RASSF8: variants seen among roughly 807,000 people sequenced by gnomAD.
RASSF8 encodes Ras association domain family member 8, also known as ras association domain-containing protein 8.
RASSF8 carries 22 observed loss-of-function variants against 48.5 expected under a neutral mutation model. That is an observed-to-expected ratio of 0.45 (90% CI 0.32 to 0.65). The LOEUF (loss-of-function observed/expected upper bound fraction) is 0.65. RASSF8 is among the 30% of genes least tolerant of loss of function. The probability of loss-of-function intolerance (pLI) is 0.03; values close to 1 mark genes in which losing one functional copy is unlikely to be tolerated. For missense variants in RASSF8, 418 were observed against 489.2 expected, an observed-to-expected ratio of 0.85 and a Z score of 1.37; for synonymous variants, 127 against 171.5, an observed-to-expected ratio of 0.74 and a Z score of 2.03.
chr12:26,048,894 C>T (rs1484422758), intron 2 of RASSF8, among the ~76,000 whole-genome samples: 1 of 152,126 alleles, frequency 6.6e-6, no homozygotes, highest in Admixed American at 6.5e-5. Flanking sequence ...GCTGGGATTA[C>T]AGGTGCCCAC....
At chr12:25,967,999 G>A (rs1404819343) in intron 1 of RASSF8, among the ~76,000 whole-genome samples, 3 of 152,142 alleles carry the variant, frequency 2.0e-5, no homozygotes, top group African/African-American at 4.8e-5. Flanking sequence ...ATTCAGTCTC[G>A]CCTTTCCTTG....
Position 25,976,186 on chromosome 12 carries a change from T to C in RASSF8, c.-203+17038T>C, listed in dbSNP as rs1034779566. Among the ~76,000 whole-genome samples the C allele has an allele frequency of 9.9e-5, 15 of 152,260 alleles. No homozygotes were observed. The East Asian group carries it at 2.7e-3, about 27-fold the overall frequency. The stretch of plus-strand genomic sequence containing the variant: ...TAAATTGAAAGGAAAACCCATCAGA[T>C]CGACTTCCTAGGACTAAATTGAAAG... On this transcript the variant is annotated intron_variant, in intron 1 of 5. Transcript: ENST00000689635.
downstream of RASSF8, among the ~76,000 whole-genome samples, chr12:26,074,165 G>C (rs1944049820): frequency 6.6e-6 from 1 of 152,120 alleles, no homozygotes; most frequent in Non-Finnish European, 1.5e-5. Context: ...AGGAACTACT[G>C]TTAACTCTTC....
intron 1 of RASSF8, among the ~76,000 whole-genome samples, chr12:25,986,587 C>A (rs1282145791): frequency 6.6e-6 from 1 of 152,138 alleles, no homozygotes; most frequent in Admixed American, 6.5e-5. Flanking sequence ...CTTTCAAGCC[C>A]CACAAGAGCA....
At chr12:25,980,910 G>A (rs765072036) in intron 1 of RASSF8, among the ~76,000 whole-genome samples, 14 of 152,088 alleles carry the variant, frequency 9.2e-5, no homozygotes, top group Non-Finnish European at 1.8e-4. Context: ...ATATTTTGGG[G>A]GATTGAGGGG....
downstream of RASSF8, among the ~76,000 whole-genome samples, chr12:26,073,248 C>T (rs1944034337): frequency 6.6e-6 from 1 of 152,200 alleles, no homozygotes; most frequent in Admixed American, 6.5e-5. Context: ...CTAAATCACA[C>T]AACCCCTAAG....
At chr12:25,977,284 C>T (rs1291034871) in intron 1 of RASSF8, among the ~76,000 whole-genome samples, 2 of 152,164 alleles carry the variant, frequency 1.3e-5, no homozygotes, top group East Asian at 1.9e-4. Context: ...GAGAAGTTTG[C>T]ATGGATTCAT....
chr12:26,000,649 C>T (rs550095274), intron 2 of RASSF8, among the ~76,000 whole-genome samples: 27 of 152,262 alleles, frequency 1.8e-4, no homozygotes, highest in African/African-American at 6.5e-4. Context: ...CTCCTACACA[C>T]CCAGGCCATA....
chr12:26,055,426 T>G lies in RASSF8; in HGVS notation c.83T>G (p.Ile28Arg). 1 of 1,613,958 alleles carries G rather than the reference T, an allele frequency of 6.2e-7. No individual in the cohort carries two copies. The highest frequency in any genetic ancestry group is 8.5e-7 in the Non-Finnish European group (1 of 1,179,806). ...TEVTTCQEVVIALAQAIGRTG... is the reference protein window; with the variant it reads ...TEVTTCQEVVRALAQAIGRTG... The stretch of plus-strand genomic sequence containing the variant: ...GTCACAACTTGCCAGGAGGTTGTCA[T>G]AGCCTTAGCTCAAGCAATAGGTGAG... The change falls in exon 3 of 6, where the codon ATA (isoleucine) becomes AGA (arginine). Residue 28 changes from isoleucine (I) to arginine (R), a missense_variant. Ile to Arg is a moderately conservative substitution (Grantham distance 97, BLOSUM62 -3). Transcript: ENST00000689635.
At chr12:25,969,797 G>A (rs1941442322) in intron 1 of RASSF8, among the ~76,000 whole-genome samples, 1 of 152,118 alleles carries the variant, frequency 6.6e-6, no homozygotes, top group Non-Finnish European at 1.5e-5. Flanking sequence ...GTTGCAGACT[G>A]GAGAGATGGG....
intron 1 of RASSF8, among the ~76,000 whole-genome samples, chr12:25,983,589 G>A (rs943911761): frequency 2.6e-5 from 4 of 152,072 alleles, no homozygotes; most frequent in African/African-American, 4.8e-5. Context: ...AATGGGTTAC[G>A]ACCATAGTTT....
At chr12:25,962,519 G>T (rs1941260589) in intron 1 of RASSF8, among the ~76,000 whole-genome samples, 1 of 152,052 alleles carries the variant, frequency 6.6e-6, no homozygotes. Context: ...TTAATCACCA[G>T]TGCCCAGTAT....
chr12:25,963,298 A>G (rs989459749), intron 1 of RASSF8, among the ~76,000 whole-genome samples: 33 of 143,126 alleles, frequency 2.3e-4, no homozygotes, highest in Admixed American at 5.1e-4. Flanking sequence ...CTTCTCTCTC[A>G]CTAAAGCATT....
chr12:26,074,897 G>C (rs1004513403), downstream of RASSF8, among the ~76,000 whole-genome samples: 5 of 152,172 alleles, frequency 3.3e-5, no homozygotes, highest in Admixed American at 3.3e-4. Flanking sequence ...TGGTTGCCAT[G>C]GTAAGGAGTT....
chr12:26,035,032 C>T (rs540851278), intron 2 of RASSF8, among the ~76,000 whole-genome samples: 1 of 152,110 alleles, frequency 6.6e-6, no homozygotes, highest in South Asian at 2.1e-4. Context: ...TGGTGTTGCC[C>T]TATAAACTTT....
chr12:26,025,562 CAAAAA>C (rs34036145), intron 2 of RASSF8, among the ~76,000 whole-genome samples: 1 of 100,710 alleles, frequency 9.9e-6, no homozygotes. Context: ...GACTCTGTCT[CAAAAA>C]AAAAAAAAAA....
chr12:25,987,834 T>C (rs1373803248), intron 1 of RASSF8, among the ~76,000 whole-genome samples: 1 of 152,008 alleles, frequency 6.6e-6, no homozygotes, highest in Non-Finnish European at 1.5e-5. Flanking sequence ...TTGAAATTAA[T>C]TTTTGGTTTT....
At chr12:26,035,899 C>A (rs1943139881) in intron 2 of RASSF8, among the ~76,000 whole-genome samples, 1 of 142,780 alleles carries the variant, frequency 7.0e-6, no homozygotes. Context: ...TAATTATAAT[C>A]ATATATGATT....
intron 1 of RASSF8, among the ~76,000 whole-genome samples, chr12:25,986,650 C>T (rs1941882591): frequency 6.6e-6 from 1 of 152,148 alleles, no homozygotes; most frequent in Non-Finnish European, 1.5e-5. Context: ...ACCCAGTTTC[C>T]CTCTAAATTG....
Sources: gnomAD v4.1 joint callset for allele counts (sites outside exome capture counted in the v4.1 genomes callset) on GRCh38, gnomAD v4.1.1 for gene constraint, MANE v1.5 for transcripts, NCBI Gene and HGNC (gene_info 2026-07-23, HGNC 2026-07-21) for gene names.